The following GIPC1 variants were observed in gnomAD, a reference collection of about 807,000 sequenced individuals.
GIPC1 encodes the protein GIPC PDZ domain containing family member 1.
Under a neutral mutation model 28.5 loss-of-function variants are expected in GIPC1, and 15 were observed. The observed-to-expected ratio is 0.53, with a 90% confidence interval of 0.35 to 0.81. GIPC1 has a LOEUF of 0.81. Among genes scored for constraint, GIPC1 ranks in the 30% least tolerant of loss-of-function variants. GIPC1 has a pLI of 0.01. For synonymous variants in GIPC1, 224 were observed against 206.1 expected, an observed-to-expected ratio of 1.09 and a Z score of -0.74; for missense variants, 439 against 481.9, an observed-to-expected ratio of 0.91 and a Z score of 0.83.
intron 3 of GIPC1, among the ~76,000 whole-genome samples, chr19:14,490,176 C>T (rs1318451089): frequency 7.3e-5 from 11 of 151,068 alleles, no homozygotes; most frequent in Admixed American, 1.3e-4. Context: ...CCAGCCTGGC[C>T]AACATGGTGA....
Position 14,479,468 on chromosome 19 carries a change from T to TGCCCAGTTGTGGGCCAGA in GIPC1, c.694_711dup (p.Ser232_Gly237dup). On this transcript the variant is annotated inframe_insertion, in exon 7 of 9. Transcript: ENST00000393033. The stretch of plus-strand genomic sequence containing the variant: ...CGGAGCCGCAGGGTCCCTCGGCCAG[T>TGCCCAGTTGTGGGCCAGA]GCCCAGTTGTGGGCCAGAGCCAGGG... 1 of 1,436,950 alleles carries TGCCCAGTTGTGGGCCAGA rather than the reference T, an allele frequency of 7.0e-7. No individual in the cohort carries two copies. The highest frequency in any genetic ancestry group is 9.1e-7 in the Non-Finnish European group (1 of 1,097,044). 89.0% of individuals were successfully genotyped at this position (1,436,950 alleles called of 1,614,324 possible). A position where few individuals can be genotyped will look rare whatever the true frequency, so the allele number is the denominator to read the frequency against.
intron 3 of GIPC1, among the ~76,000 whole-genome samples, chr19:14,489,072 T>A (rs1384194017): frequency 6.6e-6 from 1 of 152,028 alleles, no homozygotes; most frequent in Non-Finnish European, 1.5e-5. Flanking sequence ...ACTACAGGTG[T>A]TCACAGCCAT....
intron 3 of GIPC1, among the ~76,000 whole-genome samples, chr19:14,491,126 A>ATGGTGTGAGCCAAAGAAGGC (rs1298173454): frequency 6.6e-6 from 1 of 152,136 alleles, no homozygotes; most frequent in East Asian, 1.9e-4. Flanking sequence ...CCTGGCCAAC[A>ATGGTGTGAGCCAAAGAAGGC]TGGTGTGAGC....
Position 14,478,512 on chromosome 19 carries a change from C to T in GIPC1, c.906G>A (p.Glu302=). 6.2e-7 allele frequency: 1 copy of T among 1,614,082 alleles called. No individual in the cohort carries two copies. Among genetic ancestry groups the T allele is most frequent in the Non-Finnish European group, 8.5e-7 (1 of 1,179,996 alleles). Residue 302 remains glutamate, a synonymous_variant, in exon 9 of 9, where the codon GAG becomes GAA. Transcript: ENST00000393033. This position sits in a 1 kb window ranked among gnomAD's most constrained non-coding sequence, Gnocchi z 5.2. ...AGTCACCCAGCCGTTCGTCCAGGGC[C>T]TCGGCCAGCTCATCCGGGTTCCTTT... is the stretch of plus-strand genomic sequence containing the variant. ...KDKRNPDELA[E]ALDERLGDFA...
chr19:14,494,295 T>A (rs1230719982), intron 1 of GIPC1, among the ~76,000 whole-genome samples: 1 of 152,014 alleles, frequency 6.6e-6, no homozygotes, highest in Non-Finnish European at 1.5e-5. Context: ...TTTCCCCATG[T>A]TGGCCAGGCT....
rs1291699695 is a variant in GIPC1 at position 14,482,569 on chromosome 19, G to A, written c.288+120C>T. On this transcript the variant is annotated intron_variant, in intron 4 of 8. Coordinates refer to ENST00000393033, the MANE Select transcript of GIPC1 (RefSeq NM_005716.4). The stretch of plus-strand genomic sequence containing the variant: ...CCAGGCCATTGGCCCCCACCACTGA[G>A]TGGGGCCCAGGCTCAGCATCTGCAG... 10 of 1,013,368 alleles carry A rather than the reference G, an allele frequency of 9.9e-6. No individual in the cohort carries two copies. The East Asian group carries it at 2.3e-4, about 24-fold the overall frequency. 62.8% of individuals were successfully genotyped at this position (1,013,368 alleles called of 1,614,324 possible). A position where few individuals can be genotyped will look rare whatever the true frequency, so the allele number is the denominator to read the frequency against.
chr19:14,483,319 G>C, intron 3 of GIPC1: 1 of 253,460 alleles, frequency 3.9e-6, no homozygotes, highest in Non-Finnish European at 7.7e-6. Flanking sequence ...AGCCGGGTGT[G>C]GTGGTGTGCA....
chr19:14,496,079 C>A lies in GIPC1; in HGVS notation c.-217G>T. ...CCGCCGCCGCCGCCGCCGCCGCTGC[C>A]TCCGCCTCCCCGTGCGCACCCGGCT... On this transcript the variant is annotated 5_prime_UTR_variant, in exon 1 of 9. In the 5' UTR this introduces an upstream ATG that the reference lacks. Coordinates refer to ENST00000393033, the MANE Select transcript of GIPC1 (RefSeq NM_005716.4). 1 of 236,382 alleles carries A rather than the reference C, an allele frequency of 4.2e-6. No homozygotes were observed. 14.6% of individuals were successfully genotyped at this position (236,382 alleles called of 1,614,324 possible).
intron 3 of GIPC1, 166 bp from the exon 4 acceptor site, chr19:14,483,172 A>T (rs2071769558): frequency 1.7e-6 from 1 of 583,332 alleles, no homozygotes; most frequent in African/African-American, 1.9e-5. Flanking sequence ...AAGTAATAAT[A>T]GGGCTGGGTG....
Position 14,480,373 on chromosome 19 carries a change from C to G in GIPC1, c.587G>C (p.Arg196Pro), listed in dbSNP as rs147512845. Residue 196 changes from arginine (R) to proline (P), a missense_variant, in exon 6 of 9, where the codon CGG (arginine) becomes CCG (proline). Arg to Pro is a moderately radical substitution (Grantham distance 103). Coordinates refer to ENST00000393033, the MANE Select transcript of GIPC1 (RefSeq NM_005716.4). Reference sequence around the variant, plus strand: ...GCCTCGGGGCAGCTCCTTGAGCAGCCGGGCCACCTCGTAGTGCCGGCAGCC... The same window carrying G: ...GCCTCGGGGCAGCTCCTTGAGCAGCGGGGCCACCTCGTAGTGCCGGCAGCC... The part of the protein sequence containing the change: ...LLGCRHYEVA[R>P]LLKELPRGRT... The G allele has an allele frequency of 6.2e-7, 1 of 1,612,670 alleles. No homozygotes were observed.
rs763734379 is a variant in GIPC1 at position 14,489,475 on chromosome 19, A to G, written c.-31+2181T>C. Reference sequence around the variant, plus strand: ...AAATGGTGGCAGACATGTCCAAGGAATATTGCGGGGATTTGATCCCTTTAT... The same window carrying G: ...AAATGGTGGCAGACATGTCCAAGGAGTATTGCGGGGATTTGATCCCTTTAT... On this transcript the variant is annotated intron_variant, in intron 3 of 8. Coordinates refer to ENST00000393033, the MANE Select transcript of GIPC1 (RefSeq NM_005716.4). 4 of 956,188 alleles carry G rather than the reference A, an allele frequency of 4.2e-6. No homozygotes were observed. The Admixed American group carries it at 6.8e-5, about 16-fold the overall frequency. 59.2% of individuals were successfully genotyped at this position (956,188 alleles called of 1,614,324 possible).
rs1188898352 is a variant in GIPC1 at position 14,480,414 on chromosome 19, G to A, written c.546C>T (p.Asn182=). The change falls in exon 6 of 9, where the codon AAC becomes AAT. Residue 182 remains asparagine, a synonymous_variant. Transcript: ENST00000393033. ...GCCGGCAGCCCAGCAGGCTCTGCCC[G>A]TTAATGGCCTCGATCATGTCGCCCA... ...ISVGDMIEAI[N]GQSLLGCRHY... The A allele has an allele frequency of 8.1e-6, 13 of 1,613,560 alleles. No homozygotes were observed. The Middle Eastern group carries it at 5.1e-4, about 63-fold the overall frequency.
chr19:14,479,928 C>T (rs896389997), intron 6 of GIPC1: 2 of 430,224 alleles, frequency 4.6e-6, no homozygotes, highest in Non-Finnish European at 8.4e-6. Flanking sequence ...AGTCCCCCAC[C>T]CCCACCTCAG....
intron 1 of GIPC1, among the ~76,000 whole-genome samples, chr19:14,495,130 G>C (rs750443390): frequency 2.6e-5 from 4 of 152,172 alleles, no homozygotes; most frequent in South Asian, 4.1e-4. Context: ...AGGTTGCCAG[G>C]GGGGAACCCA....
At chr19:14,494,365 T>C (rs1163951849) in intron 1 of GIPC1, among the ~76,000 whole-genome samples, 1 of 131,978 alleles carries the variant, frequency 7.6e-6, no homozygotes, top group Non-Finnish European at 1.6e-5. Context: ...GTGCTGGGAT[T>C]ACAGGCGTGA....
rs755872075 is a variant in GIPC1 at position 14,478,263 on chromosome 19, G to A, written c.*153C>T. 9.1e-5 allele frequency: 67 copies of A among 738,842 alleles called. 2 individuals carry two copies. Among genetic ancestry groups the A allele is most frequent in the East Asian group, 6.0e-4 (22 of 36,508 alleles). The allele number at this position is 738,842 out of a possible 1,614,324, so 45.8% of individuals were successfully genotyped here. ...GGGAGGGGATGGTACCGATTGGAGCGGGGCAGGGGGCCTGGCCCCACCTCC... is the reference window on the plus strand; with the variant it reads ...GGGAGGGGATGGTACCGATTGGAGCAGGGCAGGGGGCCTGGCCCCACCTCC... On this transcript the variant is annotated 3_prime_UTR_variant, in exon 9 of 9. Transcript: ENST00000393033. This position sits in a 1 kb window ranked among gnomAD's most constrained non-coding sequence, Gnocchi z 5.2.
chr19:14,481,488 C>T (rs959335316), intron 4 of GIPC1, among the ~76,000 whole-genome samples: 15 of 151,854 alleles, frequency 9.9e-5, no homozygotes, highest in Non-Finnish European at 7.4e-5. Context: ...TTTGGGAGGC[C>T]GAGGTGGGCA....
At position 14,478,672 on chromosome 19, in the gene GIPC1, GC is replaced by G. The variant is rs759741856; in HGVS notation, c.850+11del. On this transcript the variant is annotated intron_variant, in intron 8 of 8. Coordinates refer to ENST00000393033, the MANE Select transcript of GIPC1 (RefSeq NM_005716.4). The surrounding 1 kb of genome is among the most constrained non-coding windows in gnomAD (Gnocchi z 5.2). ...ACCTAGATGCCCCCTCCCCCAGGCA[GC>G]CCTCACTCACCCAGCTCCGTGTCCC... 8.7e-6 allele frequency: 14 copies of G among 1,612,862 alleles called. No individual in the cohort carries two copies. Among genetic ancestry groups the G allele is most frequent in the African/African-American group, 6.7e-5 (5 of 74,826 alleles).
intron 1 of GIPC1, among the ~76,000 whole-genome samples, chr19:14,493,320 C>A (rs916654980): frequency 2.0e-5 from 3 of 152,230 alleles, no homozygotes; most frequent in Non-Finnish European, 4.4e-5. Context: ...CAGTTTCCCA[C>A]CTTCTGGAAG....
Sources: allele counts gnomAD v4.1 joint callset (sites outside exome capture counted in the v4.1 genomes callset), GRCh38; gene constraint gnomAD v4.1.1; non-coding constraint Gnocchi (gnomAD v3.1); transcripts MANE v1.5; gene names NCBI Gene and HGNC (gene_info 2026-07-23, HGNC 2026-07-21).